Variants in ZFHX3 observed in about 807,000 individuals in gnomAD.
ZFHX3 encodes the protein zinc finger homeobox protein 3.
In ZFHX3, 42 loss-of-function variants were observed where a neutral mutation model predicts 279.1. That is an observed-to-expected ratio of 0.15 (90% CI 0.12 to 0.19). ZFHX3 has a LOEUF of 0.19. Among genes scored for constraint, ZFHX3 ranks in the 10% least tolerant of loss-of-function variants. ZFHX3 has a pLI of 1.00. For missense variants in ZFHX3, 4,981 were observed against 4,754.0 expected, an observed-to-expected ratio of 1.05 and a Z score of -1.40; for synonymous variants, 2,293 against 1,957.8, an observed-to-expected ratio of 1.17 and a Z score of -4.52.
At chr16:73,238,611 G>A (rs895796271) in intron 5 of ZFHX3, among the ~76,000 whole-genome samples, 1 of 152,006 alleles carries the variant, frequency 6.6e-6, no homozygotes, top group Admixed American at 6.6e-5. Context: ...TCTGTACTAT[G>A]TCTAATTGAC....
At chr16:73,481,068 C>A (rs562364391) in intron 2 of ZFHX3, among the ~76,000 whole-genome samples, 95 of 152,206 alleles carry the variant, frequency 6.2e-4, no homozygotes, top group African/African-American at 1.9e-3. Context: ...TGGTGGCTCA[C>A]ACCTGTAATC....
In ZFHX3 at chr16:72,796,018, G is replaced by A. The variant is rs1159245976; in HGVS notation, c.6664C>T (p.Leu2222Phe). The A allele has an allele frequency of 2.5e-6, 4 of 1,614,198 alleles. No homozygotes were observed. Among genetic ancestry groups the A allele is most frequent in the Non-Finnish European group, 3.4e-6 (4 of 1,180,036 alleles). ...SNPPITSLEE[L>F]KIDSRPPSPE... Reference sequence around the variant, plus strand: ...GAAGGGGGCCGGGAGTCAATCTTGAGCTCCTCCAGGCTGGTGATAGGAGGA... The same window carrying A: ...GAAGGGGGCCGGGAGTCAATCTTGAACTCCTCCAGGCTGGTGATAGGAGGA... The change falls in exon 9 of 10, where the codon CTC (leucine) becomes TTC (phenylalanine). Residue 2222 changes from leucine (L) to phenylalanine (F), a missense_variant. Around this residue, in one of 7 missense-constraint regions of ZFHX3, gnomAD observed 177 missense variants for 244.2 expected, o/e 0.72. Coordinates refer to ENST00000268489, the MANE Select transcript of ZFHX3 (RefSeq NM_006885.4).
intron 4 of ZFHX3, among the ~76,000 whole-genome samples, chr16:73,303,514 TA>T (rs2015106754): frequency 6.6e-6 from 1 of 152,148 alleles, no homozygotes; most frequent in Admixed American, 6.5e-5. Flanking sequence ...GAGACTCATT[TA>T]AAAACAGATG....
chr16:73,112,902 C>T (rs1015077490), intron 7 of ZFHX3, among the ~76,000 whole-genome samples: 4 of 151,858 alleles, frequency 2.6e-5, no homozygotes, highest in African/African-American at 9.7e-5. Context: ...ACAGCCCCAT[C>T]GGAGCCAGGC....
Position 72,889,001 on chromosome 16 carries a change from T to C in ZFHX3, c.3448+730A>G, listed in dbSNP as rs183856830. Reference sequence around the variant, plus strand: ...GCAAGAGACTGGAAAATTGAAAAAATAGAAAAGAGGAGGTGATTCTACCCA... The same window carrying C: ...GCAAGAGACTGGAAAATTGAAAAAACAGAAAAGAGGAGGTGATTCTACCCA... On this transcript the variant is annotated intron_variant, in intron 4 of 9. Transcript: ENST00000268489. 9.7e-4 allele frequency among the ~76,000 whole-genome samples: 144 copies of C among 148,534 alleles called. 1 individual carries two copies. Among genetic ancestry groups the C allele is most frequent in the Non-Finnish European group, 3.3e-4 (22 of 67,284 alleles).
chr16:73,881,931 G>C (rs1019328623), intron 1 of ZFHX3, among the ~76,000 whole-genome samples: 3 of 152,040 alleles, frequency 2.0e-5, no homozygotes, highest in Non-Finnish European at 2.9e-5. Flanking sequence ...GCTTCATATA[G>C]AGGGATTTCT....
intron 2 of ZFHX3, among the ~76,000 whole-genome samples, chr16:73,509,959 G>A (rs1028037019): frequency 2.0e-5 from 3 of 152,200 alleles, no homozygotes; most frequent in African/African-American, 4.8e-5. Flanking sequence ...GCGTCCTAAA[G>A]TTCTGGGAGT....
chr16:73,745,988 G>A (rs759665862), intron 1 of ZFHX3, among the ~76,000 whole-genome samples: 1 of 152,108 alleles, frequency 6.6e-6, no homozygotes, highest in Non-Finnish European at 1.5e-5. Flanking sequence ...AATGTTACTT[G>A]TGGAAATCAG....
In ZFHX3 at chr16:72,950,948, G is replaced by A. The variant is rs1160705566; in HGVS notation, c.2737C>T (p.Leu913=). 1.9e-6 allele frequency: 3 copies of A among 1,612,902 alleles called. No homozygotes were observed. The highest frequency in any genetic ancestry group is 2.7e-5 in the African/African-American group (2 of 75,038). The change falls in exon 3 of 10, where the codon CTA becomes TTA. Residue 913 remains leucine (L), a synonymous_variant. Transcript: ENST00000268489. ...TGCCCGCCCCCGAGCCGCATGTCTA[G>A]GGGGATCTCACCGCCCACTGCAGGG... ...TPALVGGEIP[L]DMRLGGGQLV...
intron 2 of ZFHX3, among the ~76,000 whole-genome samples, chr16:73,634,020 T>A (rs2052504010): frequency 6.6e-6 from 1 of 152,168 alleles, no homozygotes; most frequent in African/African-American, 2.4e-5. Flanking sequence ...ATAATACATC[T>A]AAGAGCAACT....
At chr16:73,704,836 T>A (rs149069329) in intron 1 of ZFHX3, among the ~76,000 whole-genome samples, 2 of 152,142 alleles carry the variant, frequency 1.3e-5, no homozygotes, top group Non-Finnish European at 2.9e-5. Flanking sequence ...CAGTGTAGAA[T>A]TGCATCTCCA....
At chr16:73,197,924 G>GTTTTTTTTTTTTTTTTTTTTTTTT (rs71156148) in intron 5 of ZFHX3, among the ~76,000 whole-genome samples, 1 of 53,782 alleles carries the variant, frequency 1.9e-5, no homozygotes, top group Admixed American at 3.3e-4. Flanking sequence ...TGATTTGGTG[G>GTTTTTTTTTTTTTTTTTTTTTTTT]TTTTTTTTTT....
chr16:72,879,456 C>T (rs2038404686), intron 4 of ZFHX3, among the ~76,000 whole-genome samples: 2 of 152,166 alleles, frequency 1.3e-5, no homozygotes, highest in South Asian at 2.1e-4. Context: ...GACGGAGTCT[C>T]GCTCTGTCGC....
chr16:73,325,507 T>C (rs1435543977), intron 3 of ZFHX3, among the ~76,000 whole-genome samples: 3 of 152,216 alleles, frequency 2.0e-5, no homozygotes, highest in East Asian at 3.9e-4. Context: ...TCCAATGACA[T>C]GGATCATATC....
chr16:73,864,522 C>A (rs1039175003), intron 1 of ZFHX3, among the ~76,000 whole-genome samples: 2 of 152,162 alleles, frequency 1.3e-5, no homozygotes, highest in Admixed American at 6.5e-5. Flanking sequence ...AGCTCGAGAC[C>A]AGCCTGGACA....
At chr16:72,876,509 G>T (rs937460803) in intron 4 of ZFHX3, among the ~76,000 whole-genome samples, 2 of 151,922 alleles carry the variant, frequency 1.3e-5, no homozygotes, top group Non-Finnish European at 2.9e-5. Flanking sequence ...TCGCCCGTTG[G>T]AAAGTTTTAT....
In ZFHX3 at chr16:73,323,282, CTGTT is replaced by C. The variant is rs1016277234; in HGVS notation, c.-1290-4950_-1290-4947del. Among the ~76,000 whole-genome samples, 27 of 152,280 alleles carry C rather than the reference CTGTT, an allele frequency of 1.8e-4. 1 individual carries two copies. In the South Asian group the frequency reaches 2.5e-3, roughly 14 times the overall value. On this transcript the variant is annotated intron_variant, in intron 3 of 17. Transcript: ENST00000641206. ...GGTGCAAAGGAAAGAGGCAGCATGACTGTTTGAGGGATGGCAAGAATAACCATCC... is the reference window on the plus strand; with the variant it reads ...GGTGCAAAGGAAAGAGGCAGCATGACTGAGGGATGGCAAGAATAACCATCC...
chr16:73,586,542 T>C (rs141658663), intron 2 of ZFHX3, among the ~76,000 whole-genome samples: 2,501 of 151,822 alleles, frequency 0.016, 55 homozygotes, highest in Non-Finnish European at 0.023. Flanking sequence ...TAGACTTTAA[T>C]TTAAAAATGT....
chr16:72,894,593 C>T (rs1356038117), intron 3 of ZFHX3, among the ~76,000 whole-genome samples: 2 of 152,198 alleles, frequency 1.3e-5, no homozygotes, highest in East Asian at 3.8e-4. Context: ...ATGCCTTCCC[C>T]GCAGAAGGGA....
Sources: gnomAD v4.1 joint callset for allele counts (sites outside exome capture counted in the v4.1 genomes callset) on GRCh38, gnomAD v4.1.1 for gene constraint, gnomAD v4.1.1 regional missense constraint, MANE v1.5 for transcripts, NCBI Gene and HGNC (gene_info 2026-07-23, HGNC 2026-07-21) for gene names.